SGK1: variants seen among roughly 807,000 people sequenced by gnomAD.
SGK1 encodes serum/glucocorticoid regulated kinase 1.
Under a neutral mutation model 64.2 loss-of-function variants are expected in SGK1, and 26 were observed. The observed-to-expected ratio is 0.40, with a 90% CI of 0.30 to 0.56. SGK1 has a LOEUF of 0.56. SGK1 is among the 20% of genes least tolerant of loss of function. SGK1 has a pLI of 0.38. For synonymous variants in SGK1, 265 were observed against 239.7 expected, an observed-to-expected ratio of 1.11 and a Z score of -0.98; for missense variants, 519 against 645.6, an observed-to-expected ratio of 0.80 and a Z score of 2.12.
chr6:134,306,310 C>A lies in SGK1; in HGVS notation c.69+11082G>T, dbSNP rs1444724333. Among the ~76,000 whole-genome samples, 4 of 152,072 alleles carry A rather than the reference C, an allele frequency of 2.6e-5. No individual in the cohort carries two copies. In the East Asian group the frequency reaches 5.9e-4, roughly 22 times the overall value. On this transcript the variant is annotated intron_variant, in intron 1 of 13. Transcript: ENST00000367858. ...TGATGGTGCATGCCTGTAATGCCAG[C>A]TACTCAGGAGGCTGAGGCAGAAGAA...
At chr6:134,203,115 G>A (rs144541948) in intron 3 of SGK1, among the ~76,000 whole-genome samples, 7 of 152,030 alleles carry the variant, frequency 4.6e-5, no homozygotes, top group African/African-American at 7.2e-5. Flanking sequence ...GTGGTGGCAC[G>A]TGCCTGTAAT....
chr6:134,293,646 G>A (rs1343848899), intron 1 of SGK1, among the ~76,000 whole-genome samples: 3 of 152,108 alleles, frequency 2.0e-5, no homozygotes, highest in Non-Finnish European at 4.4e-5. Context: ...GTTATCTTTC[G>A]TGAGTTAGGA....
chr6:134,217,475 G>T (rs899548969), intron 2 of SGK1, among the ~76,000 whole-genome samples: 2 of 152,168 alleles, frequency 1.3e-5, no homozygotes, highest in Non-Finnish European at 2.9e-5. Flanking sequence ...ATCCTGGGTG[G>T]TGGGCTTCAC....
chr6:134,300,571 T>G (rs1582773294), intron 1 of SGK1, among the ~76,000 whole-genome samples: 2 of 144,170 alleles, frequency 1.4e-5, no homozygotes, highest in African/African-American at 5.1e-5. Flanking sequence ...AAGATGGTGG[T>G]GGCTTGCACC....
At chr6:134,181,661 C>T (rs1347953477) in intron 3 of SGK1, among the ~76,000 whole-genome samples, 1 of 151,572 alleles carries the variant, frequency 6.6e-6, no homozygotes, top group Non-Finnish European at 1.5e-5. Flanking sequence ...TCTCCCATTT[C>T]TGAGCCTATA....
intron 1 of SGK1, among the ~76,000 whole-genome samples, chr6:134,316,743 CAAAAAAAAAAAAAAAAAA>C (rs141130901): frequency 7.6e-5 from 3 of 39,286 alleles, no homozygotes; most frequent in African/African-American, 2.2e-4. Context: ...TGCTCTCTCC[CAAAAAAAAAAAAAAAAAA>C]AAAAAAAAAA....
chr6:134,317,221 C>A (rs1210512787), intron 1 of SGK1, among the ~76,000 whole-genome samples, 171 bp downstream of exon 1: 1 of 152,136 alleles, frequency 6.6e-6, no homozygotes, highest in Non-Finnish European at 1.5e-5. Flanking sequence ...TGCCCCTCCT[C>A]CAACAAATTC....
At chr6:134,290,330 AAAAAGAAAAGAAAAG>A (rs139304924) in intron 1 of SGK1, among the ~76,000 whole-genome samples, 4 of 145,114 alleles carry the variant, frequency 2.8e-5, no homozygotes, top group Admixed American at 1.4e-4. Flanking sequence ...CCTCTAAAAA[AAAAAGAAAAGAAAAG>A]AAAAGAAAAG....
chr6:134,206,974 C>T (rs959393335), intron 3 of SGK1, among the ~76,000 whole-genome samples: 2 of 151,954 alleles, frequency 1.3e-5, no homozygotes, highest in Non-Finnish European at 2.9e-5. Flanking sequence ...GCCTGTAATC[C>T]CAGCACTTTG....
intron 5 of SGK1, 99 bp downstream of exon 5, chr6:134,173,906 T>C (rs1775120864): frequency 6.3e-6 from 5 of 787,648 alleles, no homozygotes; most frequent in African/African-American, 3.5e-5. Context: ...CCTGCCTTGA[T>C]ACTAATTTCT....
chr6:134,179,403 A>G (rs1775298079), intron 3 of SGK1, among the ~76,000 whole-genome samples: 1 of 152,062 alleles, frequency 6.6e-6, no homozygotes, highest in African/African-American at 2.4e-5. Flanking sequence ...ACCAGAAAAC[A>G]TAATTATTAT....
chr6:134,233,803 C>A (rs1446994122), intron 2 of SGK1, among the ~76,000 whole-genome samples: 1 of 151,170 alleles, frequency 6.6e-6, no homozygotes, highest in Non-Finnish European at 1.5e-5. Flanking sequence ...CTACTAGATT[C>A]TGATTCTTTT....
At chr6:134,206,152 A>G (rs777844531) in intron 3 of SGK1, among the ~76,000 whole-genome samples, 18 of 151,636 alleles carry the variant, frequency 1.2e-4, no homozygotes, top group South Asian at 2.1e-4. Flanking sequence ...ATGCCCTCCC[A>G]TAAGTATTCT....
chr6:134,300,632 GTTT>G (rs775160946), intron 1 of SGK1, among the ~76,000 whole-genome samples: 1 of 120,842 alleles, frequency 8.3e-6, no homozygotes, highest in Non-Finnish European at 1.7e-5. Context: ...TAAATGTTTG[GTTT>G]TTTTTTTTTT....
intron 3 of SGK1, among the ~76,000 whole-genome samples, chr6:134,184,486 C>T (rs1775389776): frequency 9.0e-6 from 1 of 110,540 alleles, no homozygotes. Context: ...GCCTGGGTGA[C>T]AGAGTGAGAC....
At chr6:134,295,324 G>A (rs139211280) in intron 1 of SGK1, among the ~76,000 whole-genome samples, 220 of 152,284 alleles carry the variant, frequency 1.4e-3, no homozygotes, top group African/African-American at 5.0e-3. Flanking sequence ...ATAAGGGTAA[G>A]GAATTAGGGC....
intron 1 of SGK1, among the ~76,000 whole-genome samples, chr6:134,316,654 G>A (rs1039549983): frequency 1.4e-5 from 2 of 138,734 alleles, no homozygotes; most frequent in African/African-American, 2.7e-5. Flanking sequence ...CATACTTTGA[G>A]TTGAAGAATA....
At chr6:134,315,346 T>G (rs990433423) in intron 1 of SGK1, among the ~76,000 whole-genome samples, 9 of 152,152 alleles carry the variant, frequency 5.9e-5, no homozygotes, top group African/African-American at 2.2e-4. Context: ...CAGCAACTGA[T>G]AGACCCAGGT....
intron 1 of SGK1, chr6:134,298,696 T>C (rs1366073453): frequency 6.8e-6 from 7 of 1,032,974 alleles, no homozygotes; most frequent in Non-Finnish European, 1.4e-6. Flanking sequence ...CTGATGGACA[T>C]GGTGGAGGCA....
Sources: gnomAD v4.1 joint callset for allele counts (sites outside exome capture counted in the v4.1 genomes callset) on GRCh38, gnomAD v4.1.1 for gene constraint, MANE v1.5 for transcripts, NCBI Gene and HGNC (gene_info 2026-07-23, HGNC 2026-07-21) for gene names.